Variants in PKNOX2 observed in about 807,000 individuals in gnomAD.
The protein encoded by PKNOX2 is homeobox protein PKNOX2.
PKNOX2 carries 14 observed loss-of-function variants against 53.1 expected under a neutral mutation model. The observed-to-expected ratio is 0.26, with a 90% CI of 0.17 to 0.41. PKNOX2 has a LOEUF of 0.41. Ranked by LOEUF, PKNOX2 falls within the 10% of genes least tolerant of loss-of-function variation. The pLI is 1.00. For synonymous variants in PKNOX2, 257 were observed against 242.8 expected (o/e 1.06, Z -0.54); for missense variants, 496 against 602.8 (o/e 0.82, Z 1.85).
chr11:125,263,031 C>T (rs1001722295), intron 2 of PKNOX2, among the ~76,000 whole-genome samples: 1 of 152,156 alleles, frequency 6.6e-6, no homozygotes, highest in Non-Finnish European at 1.5e-5. Context: ...TGAATTGCTG[C>T]AGGGAGGGCC....
rs146429287 is a variant in PKNOX2 at position 125,226,583 on chromosome 11, G to A, written c.-200-8462G>A. Among the ~76,000 whole-genome samples the A allele has an allele frequency of 4.7e-3, 716 of 152,106 alleles. 12 individuals are homozygous for A. The highest frequency in any genetic ancestry group is 0.017 in the African/African-American group (695 of 41,482). On this transcript the variant is annotated intron_variant, in intron 1 of 12. Transcript: ENST00000298282. Reference sequence around the variant, plus strand: ...CTTTCCAACACGCCAAACCATTACTGACTGCTGCATCACATTAGGTGCCCA... The same window carrying A: ...CTTTCCAACACGCCAAACCATTACTAACTGCTGCATCACATTAGGTGCCCA...
rs1441769913 is a variant in PKNOX2, at chr11:125,422,020, G to A, written c.937-6992G>A. 6.6e-6 allele frequency among the ~76,000 whole-genome samples: 1 copy of A among 152,192 alleles called. No homozygotes were observed. The highest frequency in any genetic ancestry group is 1.5e-5 in the Non-Finnish European group (1 of 68,030). ...TTGGAGAAGCTGGCATTTGGGCTGG[G>A]CCTTATGAAGGATGGCTAGGATTTA... is the stretch of plus-strand genomic sequence containing the variant. On this transcript the variant is annotated intron_variant, in intron 10 of 12. Transcript: ENST00000298282. The surrounding 1 kb of genome is among the most constrained non-coding windows in gnomAD (Gnocchi z 4.1).
chr11:125,403,531 C>T (rs928599966), intron 7 of PKNOX2, among the ~76,000 whole-genome samples: 6 of 152,174 alleles, frequency 3.9e-5, no homozygotes, highest in Non-Finnish European at 7.3e-5. Context: ...GCAAGGTACA[C>T]ATGATTTTCT....
intron 4 of PKNOX2, among the ~76,000 whole-genome samples, chr11:125,367,034 A>C (rs1952225318): frequency 6.6e-6 from 1 of 152,260 alleles, no homozygotes; most frequent in African/African-American, 2.4e-5. Context: ...GTTGAGGCTT[A>C]TCATCATTCA....
chr11:125,214,269 C>A (rs911543669), intron 1 of PKNOX2, among the ~76,000 whole-genome samples: 6 of 152,000 alleles, frequency 3.9e-5, no homozygotes, highest in Non-Finnish European at 8.8e-5. Context: ...CCCCACCTAC[C>A]CTTGAACCTG....
intron 5 of PKNOX2, among the ~76,000 whole-genome samples, chr11:125,374,810 G>A (rs7480886): frequency 6.6e-6 from 1 of 152,150 alleles, no homozygotes; most frequent in Non-Finnish European, 1.5e-5. Context: ...AGCTGGCAGT[G>A]CTTGGCACAC....
At chr11:125,244,256 T>C (rs1242248868) in intron 2 of PKNOX2, among the ~76,000 whole-genome samples, 1 of 152,228 alleles carries the variant, frequency 6.6e-6, no homozygotes, top group African/African-American at 2.4e-5. Context: ...GGGACCCCAG[T>C]CCCCTGTAGG....
chr11:125,339,339 T>C (rs916517564), intron 3 of PKNOX2, among the ~76,000 whole-genome samples: 3 of 152,222 alleles, frequency 2.0e-5, no homozygotes, highest in African/African-American at 4.8e-5. Context: ...AAGGGGCTTC[T>C]TTGGCAATCT....
chr11:125,430,083 C>G lies in PKNOX2; in HGVS notation c.1134C>G (p.Asn378Lys), dbSNP rs771858818. ...GGCCCACCCAAAGATTCTGGCCCAA[C>G]TCCATCGCTGCGGGGGTGCTGCAGC... ...QHRPTQRFWP[N>K]SIAAGVLQQQ... is the part of the protein sequence containing the mutation. The change falls in exon 12 of 13, where the codon AAC becomes AAG. Residue 378 changes from asparagine to lysine, a missense_variant. Transcript: ENST00000298282. The G allele has an allele frequency of 3.7e-6, 6 of 1,614,060 alleles. No individual in the cohort carries two copies. In the Admixed American group the frequency reaches 5.0e-5, roughly 13 times the overall value.
chr11:125,205,127 G>A (rs796904180), intron 1 of PKNOX2, among the ~76,000 whole-genome samples: 2 of 152,362 alleles, frequency 1.3e-5, no homozygotes, highest in African/African-American at 4.8e-5. Context: ...GAGTGAGTCA[G>A]AAGATGCTCC....
chr11:125,373,945 G>A (rs536950561), intron 5 of PKNOX2, among the ~76,000 whole-genome samples: 8 of 152,228 alleles, frequency 5.3e-5, no homozygotes, highest in African/African-American at 1.2e-4. Context: ...TGACAGCCAC[G>A]CTACCAATCC....
chr11:125,278,126 G>C (rs1460505349), intron 2 of PKNOX2, among the ~76,000 whole-genome samples: 1 of 152,036 alleles, frequency 6.6e-6, no homozygotes, highest in Non-Finnish European at 1.5e-5. Context: ...GGCTGAGGTG[G>C]GAGGATCACT....
chr11:125,301,366 C>A (rs954613131), intron 2 of PKNOX2, among the ~76,000 whole-genome samples: 2 of 151,946 alleles, frequency 1.3e-5, no homozygotes, highest in African/African-American at 4.8e-5. Flanking sequence ...CCCAAAGACT[C>A]TTGGGTAGAG....
intron 2 of PKNOX2, among the ~76,000 whole-genome samples, chr11:125,252,386 A>C (rs1037773774): frequency 4.6e-5 from 7 of 152,164 alleles, no homozygotes; most frequent in Non-Finnish European, 1.0e-4. Context: ...GTGTTTTGGA[A>C]AGGTGGCCAC....
chr11:125,196,355 G>A (rs1023564809), intron 1 of PKNOX2, among the ~76,000 whole-genome samples: 3 of 152,144 alleles, frequency 2.0e-5, no homozygotes, highest in Admixed American at 6.5e-5. Context: ...TCCCTGAGGC[G>A]TATAGCTTAG....
intron 2 of PKNOX2, among the ~76,000 whole-genome samples, chr11:125,248,859 A>AAT (rs935043478): frequency 2.1e-4 from 31 of 145,036 alleles, no homozygotes; most frequent in East Asian, 7.8e-4. Flanking sequence ...TAACATATAT[A>AAT]ATATATATAT....
intron 3 of PKNOX2, among the ~76,000 whole-genome samples, chr11:125,339,982 C>T (rs1186242854): frequency 2.0e-5 from 3 of 152,234 alleles, no homozygotes; most frequent in South Asian, 2.1e-4. Flanking sequence ...TTTCCATCTT[C>T]GTCTCAGTCG....
chr11:125,284,459 A>C (rs1946773893), intron 2 of PKNOX2, among the ~76,000 whole-genome samples: 1 of 152,240 alleles, frequency 6.6e-6, no homozygotes, highest in Admixed American at 6.5e-5. Context: ...AAGAAATAGC[A>C]TCGCCAGAGA....
At chr11:125,376,356 T>A (rs1209960842) in intron 5 of PKNOX2, among the ~76,000 whole-genome samples, 1 of 152,134 alleles carries the variant, frequency 6.6e-6, no homozygotes, top group African/African-American at 2.4e-5. Context: ...TAAAAATACA[T>A]CCAACCAGGG....
Sources: allele counts gnomAD v4.1 joint callset (sites outside exome capture counted in the v4.1 genomes callset), GRCh38; gene constraint gnomAD v4.1.1; non-coding constraint Gnocchi (gnomAD v3.1); transcripts MANE v1.5; gene names NCBI Gene and HGNC (gene_info 2026-07-23, HGNC 2026-07-21).